Variants in KHDRBS2 observed in about 807,000 individuals in gnomAD.
KHDRBS2 encodes the protein KH RNA binding domain containing, signal transduction associated 2, also known as KH domain-containing, RNA-binding, signal transduction-associated protein 2.
Under a neutral mutation model 44.3 loss-of-function variants are expected in KHDRBS2, and 26 were observed. The observed-to-expected ratio is 0.59, with a 90% CI of 0.43 to 0.81. The LOEUF is 0.81. Ranked by LOEUF, KHDRBS2 falls within the 40% of genes least tolerant of loss-of-function variation. The pLI, the probability that KHDRBS2 is intolerant of heterozygous loss-of-function variation, is 0.00. For missense variants in KHDRBS2, 476 were observed against 433.1 expected (o/e 1.10, Z -0.88); for synonymous variants, 194 against 151.1 (o/e 1.28, Z -2.08).
intron 4 of KHDRBS2, among the ~76,000 whole-genome samples, chr6:61,905,233 G>T (rs1244344831): frequency 2.0e-5 from 3 of 152,224 alleles, no homozygotes; most frequent in Non-Finnish European, 2.9e-5. Flanking sequence ...GGAACAAATT[G>T]GCTGACACAG....
chr6:62,095,552 T>C (rs899045633), intron 2 of KHDRBS2, among the ~76,000 whole-genome samples: 3 of 151,862 alleles, frequency 2.0e-5, no homozygotes, highest in African/African-American at 7.2e-5. Context: ...TAAGTTTATG[T>C]AAGTATTCTT....
At chr6:61,803,369 C>A (rs1328155882) in intron 6 of KHDRBS2, among the ~76,000 whole-genome samples, 2 of 152,060 alleles carry the variant, frequency 1.3e-5, no homozygotes, top group Non-Finnish European at 1.5e-5. Context: ...GTATTAAAAG[C>A]CTGCTGACCC....
intron 1 of KHDRBS2, among the ~76,000 whole-genome samples, chr6:62,271,738 A>T (rs1049020567): frequency 2.0e-5 from 3 of 152,040 alleles, no homozygotes; most frequent in Admixed American, 1.3e-4. Flanking sequence ...AAGAGTAAAA[A>T]AATAATAATA....
At chr6:62,270,277 ATCTCTC>A (rs147450056) in intron 1 of KHDRBS2, among the ~76,000 whole-genome samples, 2 of 120,642 alleles carry the variant, frequency 1.7e-5, no homozygotes, top group African/African-American at 3.3e-5. Flanking sequence ...GTGGAACCCC[ATCTCTC>A]TCTCTCTCTC....
At chr6:61,597,299 T>C in the KHDRBS2 span, among the ~76,000 whole-genome samples, 2 of 152,112 alleles carry the variant, frequency 1.3e-5, no homozygotes, top group African/African-American at 2.4e-5. Context: ...GGGACCAATT[T>C]AGTTGGGAGG....
intron 1 of KHDRBS2, among the ~76,000 whole-genome samples, chr6:62,278,140 C>T (rs1354642098): frequency 1.3e-5 from 2 of 152,202 alleles, no homozygotes; most frequent in East Asian, 1.9e-4. Context: ...AAATATTACA[C>T]GGTTTATAGC....
At chr6:62,046,106 C>T (rs1203562183) in intron 3 of KHDRBS2, among the ~76,000 whole-genome samples, 1 of 151,670 alleles carries the variant, frequency 6.6e-6, no homozygotes, top group Non-Finnish European at 1.5e-5. Context: ...TGATGGATCA[C>T]ACAAAGAGTA....
intron 8 of KHDRBS2, among the ~76,000 whole-genome samples, chr6:61,683,707 T>C (rs2127538799): frequency 6.6e-6 from 1 of 152,050 alleles, no homozygotes; most frequent in African/African-American, 2.4e-5. Context: ...GTAATCGTAG[T>C]GCGATCTCAT....
chr6:61,890,994 C>A (rs1201749611), intron 6 of KHDRBS2, among the ~76,000 whole-genome samples: 3 of 152,152 alleles, frequency 2.0e-5, no homozygotes, highest in African/African-American at 7.2e-5. Flanking sequence ...AATTAATATA[C>A]TCTTAGGATT....
chr6:61,955,204 A>G (rs1416636154), intron 4 of KHDRBS2, among the ~76,000 whole-genome samples: 6 of 144,644 alleles, frequency 4.1e-5, no homozygotes, highest in Admixed American at 2.8e-4. Flanking sequence ...GTATACATAT[A>G]TATGTATACA....
At chr6:61,839,976 C>A (rs763181409) in intron 6 of KHDRBS2, among the ~76,000 whole-genome samples, 1 of 151,980 alleles carries the variant, frequency 6.6e-6, no homozygotes, top group Non-Finnish European at 1.5e-5. Flanking sequence ...ATTATTTATG[C>A]ACTAATGATT....
chr6:62,207,613 G>A (rs1217810174), intron 1 of KHDRBS2, among the ~76,000 whole-genome samples: 2 of 152,032 alleles, frequency 1.3e-5, no homozygotes, highest in Admixed American at 1.3e-4. Context: ...ACATTTAATA[G>A]GAATCCACAA....
In KHDRBS2 at chr6:61,943,521, C is replaced by T. The variant is rs149573890; in HGVS notation, c.483+34545G>A. Reference sequence around the variant, plus strand: ...AATTAAATTCTCCACTTAAAAGATACAGACTGGCATTATAAAGTTATAAAA... The same window carrying T: ...AATTAAATTCTCCACTTAAAAGATATAGACTGGCATTATAAAGTTATAAAA... On this transcript the variant is annotated intron_variant, in intron 4 of 8. Coordinates refer to ENST00000281156, the MANE Select transcript of KHDRBS2 (RefSeq NM_152688.4). 2.9e-3 allele frequency among the ~76,000 whole-genome samples: 437 copies of T among 152,184 alleles called. 4 individuals are homozygous for T. Among genetic ancestry groups the T allele is most frequent in the African/African-American group, 9.8e-3 (405 of 41,538 alleles).
chr6:61,602,583 G>C, the KHDRBS2 span, among the ~76,000 whole-genome samples: 4 of 152,120 alleles, frequency 2.6e-5, no homozygotes, highest in African/African-American at 9.7e-5. Context: ...CACTGACACT[G>C]CCCGATCGCC....
At chr6:62,110,208 C>A (rs780739248) in intron 2 of KHDRBS2, among the ~76,000 whole-genome samples, 1 of 152,012 alleles carries the variant, frequency 6.6e-6, no homozygotes, top group Admixed American at 6.6e-5. Flanking sequence ...TATGAAAGAA[C>A]TTCCATACAT....
At chr6:62,173,720 C>T (rs1055402679) in intron 2 of KHDRBS2, among the ~76,000 whole-genome samples, 2 of 151,982 alleles carry the variant, frequency 1.3e-5, no homozygotes, top group Non-Finnish European at 2.9e-5. Flanking sequence ...TAATATTCCA[C>T]AATCAGGTAG....
chr6:62,181,451 C>A (rs531980916), intron 1 of KHDRBS2, among the ~76,000 whole-genome samples: 76 of 151,970 alleles, frequency 5.0e-4, no homozygotes, highest in African/African-American at 1.6e-3. Flanking sequence ...AGATGCTGGA[C>A]ATCACTAATC....
intron 2 of KHDRBS2, among the ~76,000 whole-genome samples, chr6:62,069,529 G>A (rs900792984): frequency 6.6e-6 from 1 of 151,590 alleles, no homozygotes; most frequent in Non-Finnish European, 1.5e-5. Flanking sequence ...CTTCATATAG[G>A]TCTCATGGTG....
intron 2 of KHDRBS2, among the ~76,000 whole-genome samples, chr6:62,130,352 G>A (rs1487473241): frequency 6.6e-6 from 1 of 152,086 alleles, no homozygotes; most frequent in Non-Finnish European, 1.5e-5. Flanking sequence ...TCAAGAGCAT[G>A]GGCTCTGTAA....
Sources: gnomAD v4.1 joint callset for allele counts (sites outside exome capture counted in the v4.1 genomes callset) on GRCh38, gnomAD v4.1.1 for gene constraint, MANE v1.5 for transcripts, NCBI Gene and HGNC (gene_info 2026-07-23, HGNC 2026-07-21) for gene names.